Variants in XPO4 observed in about 807,000 individuals in gnomAD.
XPO4 encodes the protein exportin-4.
A neutral mutation model predicts 143.0 loss-of-function variants in XPO4; 39 were observed. That is an observed-to-expected ratio of 0.27 (90% CI 0.21 to 0.36). The LOEUF is 0.36. Ranked by LOEUF, XPO4 falls within the 10% of genes least tolerant of loss-of-function variation. The pLI, the probability that XPO4 is intolerant of heterozygous loss-of-function variation, is 1.00. For synonymous variants in XPO4, 439 were observed against 474.0 expected (o/e 0.93, Z 0.96); for missense variants, 907 against 1,348.0 (o/e 0.67, Z 5.12).
In XPO4 at chr13:20,787,405, T is replaced by C. The variant is rs554483833; in HGVS notation, c.3165+76A>G. On this transcript the variant is annotated intron_variant, in intron 21 of 22. Coordinates refer to ENST00000255305, the MANE Select transcript of XPO4 (RefSeq NM_022459.5). ...CGAAAGAATGGAAGCATTTCCTCAT[T>C]TGAATGCAGAATTATGTGCACCGAC... is the stretch of plus-strand genomic sequence containing the variant. 2.3e-5 allele frequency: 31 copies of C among 1,358,444 alleles called. No individual in the cohort carries two copies. The African/African-American group carries it at 4.2e-4, about 18-fold the overall frequency. 84.1% of individuals were successfully genotyped at this position (1,358,444 alleles called of 1,614,324 possible). A position where few individuals can be genotyped will look rare whatever the true frequency, so the allele number is the denominator to read the frequency against.
chr13:20,835,859 CCT>C (rs1399648343), intron 6 of XPO4, among the ~76,000 whole-genome samples: 1 of 151,040 alleles, frequency 6.6e-6, no homozygotes, highest in South Asian at 2.1e-4. Flanking sequence ...TCCTCCTCCT[CCT>C]GAGCCTACTC....
intron 7 of XPO4, among the ~76,000 whole-genome samples, chr13:20,826,169 T>C (rs894000744): frequency 6.6e-6 from 1 of 152,144 alleles, no homozygotes; most frequent in Non-Finnish European, 1.5e-5. Context: ...ATATGAATTG[T>C]TTTTCCAGCT....
chr13:20,872,141 A>T (rs1201813262), intron 1 of XPO4, among the ~76,000 whole-genome samples: 1 of 152,134 alleles, frequency 6.6e-6, no homozygotes, highest in Non-Finnish European at 1.5e-5. Context: ...GGGAGTCAAA[A>T]CCAAAAATAC....
rs137930932 is a variant in XPO4 at position 20,896,354 on chromosome 13, G to A, written c.69+6316C>T. On this transcript the variant is annotated intron_variant, in intron 1 of 22. Transcript: ENST00000255305. ...TGAGGGAGAAATTGCCACCTTAACC[G>A]GATTGACCTTTCAGACCAAGGAGCA... is the stretch of plus-strand genomic sequence containing the variant. Among the ~76,000 whole-genome samples the A allele has an allele frequency of 5.3e-4, 81 of 152,204 alleles. No homozygotes were observed. The East Asian group carries it at 0.015, about 28-fold the overall frequency.
Position 20,780,215 on chromosome 13 carries a change from C to T in XPO4, c.*3507G>A, listed in dbSNP as rs1595040039. The T allele has an allele frequency of 6.6e-6, 1 of 152,232 alleles. No homozygotes were observed. The highest frequency in any genetic ancestry group is 1.9e-4 in the East Asian group (1 of 5,180). The allele number at this position is 152,232 out of a possible 1,614,324, so 9.4% of individuals were successfully genotyped here. A position where few individuals can be genotyped will look rare whatever the true frequency, so the allele number is the denominator to read the frequency against. On this transcript the variant is annotated 3_prime_UTR_variant, in exon 23 of 23. Transcript: ENST00000255305. ...TCAGGAACCAATAACAATAATTCCTCATCAAAGACAGCTAACTTAGTAAGG... is the reference window on the plus strand; with the variant it reads ...TCAGGAACCAATAACAATAATTCCTTATCAAAGACAGCTAACTTAGTAAGG...
chr13:20,895,788 T>G lies in XPO4; in HGVS notation c.69+6882A>C, dbSNP rs552908633. On this transcript the variant is annotated intron_variant, in intron 1 of 22. Transcript: ENST00000255305. The stretch of plus-strand genomic sequence containing the variant: ...GAGTATCTTTCCATGTTCATTCAGA[T>G]CTTCCCATTTAAAAAAAAAGCTATC... 2.4e-4 allele frequency among the ~76,000 whole-genome samples: 37 copies of G among 152,244 alleles called. 1 individual carries two copies. Among genetic ancestry groups the G allele is most frequent in the African/African-American group, 7.9e-4 (33 of 41,534 alleles).
intron 1 of XPO4, among the ~76,000 whole-genome samples, chr13:20,884,859 A>G (rs2138166682): frequency 6.6e-6 from 1 of 152,366 alleles, no homozygotes; most frequent in Admixed American, 6.5e-5. Context: ...CTTAACACAA[A>G]AACAAGTAAA....
chr13:20,863,420 T>C (rs915178567), intron 2 of XPO4, among the ~76,000 whole-genome samples: 4 of 152,148 alleles, frequency 2.6e-5, no homozygotes, highest in African/African-American at 9.7e-5. Context: ...TTACACAAGG[T>C]GAGAAGTGCT....
chr13:20,833,668 T>C (rs1289084532), intron 6 of XPO4, among the ~76,000 whole-genome samples: 1 of 150,218 alleles, frequency 6.7e-6, no homozygotes, highest in Non-Finnish European at 1.5e-5. Context: ...GAATGAAAAA[T>C]TACAGCTGAG....
rs1295952940 is a variant in XPO4 at position 20,842,940 on chromosome 13, C to A, written c.682G>T (p.Ala228Ser). Residue 228 changes from alanine to serine, a missense_variant, in exon 6 of 23, where the codon GCA (alanine) becomes TCA (serine). Physicochemically the swap from Ala to Ser is moderately conservative, Grantham distance 99. Coordinates refer to ENST00000255305, the MANE Select transcript of XPO4 (RefSeq NM_022459.5). Reference sequence around the variant, plus strand: ...CAGCTCAAGACTTGATTGGCGAGTGCAAGGTAACGCTGAAATACTGAAGAC... The same window carrying A: ...CAGCTCAAGACTTGATTGGCGAGTGAAAGGTAACGCTGAAATACTGAAGAC... ...QMSSVFQRYL[A>S]LANQVLSWNF... is the part of the protein sequence containing the mutation. 6.2e-7 allele frequency: 1 copy of A among 1,613,086 alleles called. No individual in the cohort carries two copies. The highest frequency in any genetic ancestry group is 8.5e-7 in the Non-Finnish European group (1 of 1,179,292).
intron 20 of XPO4, among the ~76,000 whole-genome samples, chr13:20,787,820 A>G (rs1182314167): frequency 1.1e-4 from 17 of 152,154 alleles, no homozygotes; most frequent in Admixed American, 1.1e-3. Flanking sequence ...GGTGATGTAT[A>G]GCTTGTTTCA....
intron 1 of XPO4, among the ~76,000 whole-genome samples, chr13:20,881,362 G>A (rs950828764): frequency 3.3e-5 from 5 of 151,924 alleles, no homozygotes; most frequent in East Asian, 1.9e-4. Context: ...GCCACCTCCC[G>A]GGTTCATGCC....
chr13:20,864,373 C>A (rs573232644), intron 2 of XPO4, among the ~76,000 whole-genome samples: 132 of 152,186 alleles, frequency 8.7e-4, no homozygotes, highest in African/African-American at 3.0e-3. Context: ...TCATTTTCTA[C>A]TGCAATAGTA....
At chr13:20,893,609 A>C (rs985807141) in intron 1 of XPO4, among the ~76,000 whole-genome samples, 5 of 151,894 alleles carry the variant, frequency 3.3e-5, no homozygotes, top group Non-Finnish European at 7.4e-5. Context: ...TACAAAAATT[A>C]GCCGGGCATG....
At chr13:20,860,124 T>C (rs1257283788) in intron 3 of XPO4, among the ~76,000 whole-genome samples, 2 of 152,164 alleles carry the variant, frequency 1.3e-5, no homozygotes, top group African/African-American at 4.8e-5. Flanking sequence ...CATCTAATCC[T>C]GACACCAACC....
At chr13:20,881,945 TA>T in intron 1 of XPO4, among the ~76,000 whole-genome samples, 2 of 151,474 alleles carry the variant, frequency 1.3e-5, no homozygotes, top group Middle Eastern at 6.8e-3. Context: ...CCGTCTCTAC[TA>T]AAAATACAAA....
rs1345701428 is a variant in XPO4 at position 20,777,947 on chromosome 13, G to A, written c.*5775C>T. ...TCACCAAATATACCATTTCCACTTA[G>A]TTTTAAAAGAAAGTCAAACTGAACT... On this transcript the variant is annotated 3_prime_UTR_variant, in exon 23 of 23. Transcript: ENST00000255305. The A allele has an allele frequency of 6.6e-6, 1 of 152,094 alleles. No homozygotes were observed. Among genetic ancestry groups the A allele is most frequent in the Non-Finnish European group, 1.5e-5 (1 of 68,024 alleles). The allele number at this position is 152,094 out of a possible 1,614,324, so 9.4% of individuals were successfully genotyped here.
intron 1 of XPO4, among the ~76,000 whole-genome samples, 192 bp from the exon 2 acceptor site, chr13:20,868,893 A>C (rs2060267281): frequency 6.6e-6 from 1 of 152,210 alleles, no homozygotes; most frequent in Non-Finnish European, 1.5e-5. Context: ...TTCAGAAAAA[A>C]GGAAAAAATT....
At chr13:20,788,968 T>A (rs1300282539) in intron 19 of XPO4, among the ~76,000 whole-genome samples, 1 of 152,234 alleles carries the variant, frequency 6.6e-6, no homozygotes, top group East Asian at 1.9e-4. Flanking sequence ...TTTTTGTAAA[T>A]GTATTTCCAT....
Sources: allele counts gnomAD v4.1 joint callset (sites outside exome capture counted in the v4.1 genomes callset), GRCh38; gene constraint gnomAD v4.1.1; transcripts MANE v1.5; gene names NCBI Gene and HGNC (gene_info 2026-07-23, HGNC 2026-07-21).